Variants in KCNIP4 observed in about 807,000 individuals in gnomAD.
KCNIP4 encodes the protein Kv channel-interacting protein 4.
KCNIP4 carries 12 observed loss-of-function variants against 34.0 expected under a neutral mutation model. That is an observed-to-expected ratio of 0.35 (90% CI 0.23 to 0.57). The LOEUF (loss-of-function observed/expected upper bound fraction) is 0.57, where lower values mean the gene tolerates loss of function less well. Ranked by LOEUF, KCNIP4 falls within the 20% of genes least tolerant of loss-of-function variation. The pLI is 0.83. For synonymous variants in KCNIP4, 124 were observed against 102.2 expected, an observed-to-expected ratio of 1.21 and a Z score of -1.29; for missense variants, 238 against 311.7, an observed-to-expected ratio of 0.76 and a Z score of 1.78.
At chr4:21,432,270 G>A (rs900655459) in intron 1 of KCNIP4, among the ~76,000 whole-genome samples, 1 of 150,016 alleles carries the variant, frequency 6.7e-6, no homozygotes, top group Admixed American at 6.7e-5. Flanking sequence ...ATGTAGATTA[G>A]GTTCAAGTTG....
chr4:21,506,065 T>C (rs1733824402), intron 1 of KCNIP4, among the ~76,000 whole-genome samples: 1 of 152,220 alleles, frequency 6.6e-6, no homozygotes, highest in Non-Finnish European at 1.5e-5. Context: ...ATCGCACCAC[T>C]GCACTCCAGC....
intron 1 of KCNIP4, among the ~76,000 whole-genome samples, chr4:21,358,108 G>C (rs1718839502): frequency 6.6e-6 from 1 of 152,018 alleles, no homozygotes; most frequent in South Asian, 2.1e-4. Context: ...TCATAGGTGG[G>C]AATTAAACAA....
At chr4:21,113,455 T>TAAAAAAAAAAAAAAAAAAA (rs56676152) in intron 1 of KCNIP4, among the ~76,000 whole-genome samples, 1 of 62,396 alleles carries the variant, frequency 1.6e-5, no homozygotes. Context: ...TCTATAAGTT[T>TAAAAAAAAAAAAAAAAAAA]AAAAAAAAAA....
At chr4:20,730,255 T>G in intron 8 of KCNIP4, 126 bp from the exon 9 acceptor site, 1 of 1,207,204 alleles carries the variant, frequency 8.3e-7, no homozygotes, top group East Asian at 2.7e-5. Flanking sequence ...GCTCAAATAT[T>G]AAGTGTTTGC....
At chr4:21,659,865 A>G (rs1311232126) in intron 1 of KCNIP4, among the ~76,000 whole-genome samples, 1 of 152,220 alleles carries the variant, frequency 6.6e-6, no homozygotes, top group African/African-American at 2.4e-5. Context: ...ATTAATTAAT[A>G]AGAGGATGGA....
intron 5 of KCNIP4, among the ~76,000 whole-genome samples, chr4:20,744,267 C>T (rs956916089): frequency 2.0e-5 from 3 of 152,090 alleles, no homozygotes; most frequent in Admixed American, 6.5e-5. Flanking sequence ...GGGTATACAC[C>T]CAAAGGATTA....
chr4:21,548,349 T>C (rs1322009852), intron 1 of KCNIP4, among the ~76,000 whole-genome samples: 1 of 152,156 alleles, frequency 6.6e-6, no homozygotes, highest in Non-Finnish European at 1.5e-5. Context: ...AGGTCAGAAC[T>C]GTCTCTTTGC....
chr4:21,827,326 A>G (rs1460483019), intron 1 of KCNIP4, among the ~76,000 whole-genome samples: 1 of 152,070 alleles, frequency 6.6e-6, no homozygotes, highest in South Asian at 2.1e-4. Flanking sequence ...AAAATTCATA[A>G]AACTGCAACC....
At chr4:21,135,982 A>G (rs1751468064) in intron 1 of KCNIP4, among the ~76,000 whole-genome samples, 1 of 152,220 alleles carries the variant, frequency 6.6e-6, no homozygotes, top group Non-Finnish European at 1.5e-5. Flanking sequence ...TATTCATGTA[A>G]ACAGCTTAAG....
chr4:21,430,451 T>G (rs1577348274), intron 1 of KCNIP4, among the ~76,000 whole-genome samples: 1 of 151,892 alleles, frequency 6.6e-6, no homozygotes, highest in East Asian at 1.9e-4. Flanking sequence ...TTTGAGGAAG[T>G]AAGCCATATA....
chr4:21,166,507 A>G (rs1753635208), intron 1 of KCNIP4, among the ~76,000 whole-genome samples: 2 of 152,194 alleles, frequency 1.3e-5, no homozygotes, highest in African/African-American at 4.8e-5. Context: ...CACCTACAAT[A>G]TGACCCATTT....
intron 1 of KCNIP4, among the ~76,000 whole-genome samples, chr4:21,770,732 C>A (rs370748368): frequency 2.8e-4 from 42 of 152,126 alleles, no homozygotes; most frequent in African/African-American, 7.2e-4. Context: ...TTGTTGACCA[C>A]GTAAATGTCT....
intron 1 of KCNIP4, among the ~76,000 whole-genome samples, chr4:21,331,477 C>T (rs1204537370): frequency 6.6e-6 from 1 of 152,058 alleles, no homozygotes; most frequent in Non-Finnish European, 1.5e-5. Context: ...AACATGAAAT[C>T]TATGCACAAG....
intron 1 of KCNIP4, among the ~76,000 whole-genome samples, chr4:21,294,572 T>C (rs1165438809): frequency 6.6e-6 from 1 of 152,208 alleles, no homozygotes; most frequent in Non-Finnish European, 1.5e-5. Flanking sequence ...AGGTTGTTTT[T>C]ACAGGGATAT....
intron 1 of KCNIP4, among the ~76,000 whole-genome samples, chr4:21,473,420 C>T (rs1415001819): frequency 6.6e-6 from 1 of 152,132 alleles, no homozygotes; most frequent in Non-Finnish European, 1.5e-5. Flanking sequence ...CCTTGCTCCC[C>T]TTCCTGGAGA....
At chr4:21,185,817 T>G (rs573698792) in intron 1 of KCNIP4, among the ~76,000 whole-genome samples, 8 of 152,314 alleles carry the variant, frequency 5.3e-5, no homozygotes, top group Admixed American at 3.3e-4. Context: ...ACATGAGGCA[T>G]CTACTGTATC....
intron 3 of KCNIP4, among the ~76,000 whole-genome samples, chr4:20,779,207 G>A (rs984412113): frequency 1.9e-4 from 29 of 152,112 alleles, no homozygotes; most frequent in Non-Finnish European, 1.0e-4. Context: ...GAATAATACA[G>A]ATCAAATTCC....
intron 1 of KCNIP4, among the ~76,000 whole-genome samples, chr4:21,331,366 A>C (rs1715620638): frequency 6.6e-6 from 1 of 152,052 alleles, no homozygotes; most frequent in Admixed American, 6.6e-5. Context: ...CAATCCTTGC[A>C]AACACATAAA....
intron 1 of KCNIP4, among the ~76,000 whole-genome samples, chr4:21,142,902 C>T (rs6835991): frequency 0.092 from 14,051 of 152,174 alleles, 812 homozygotes; most frequent in East Asian, 0.19. Context: ...TTGGCATTTT[C>T]ATATTCTTAC....
Sources: allele counts gnomAD v4.1 joint callset (sites outside exome capture counted in the v4.1 genomes callset), GRCh38; gene constraint gnomAD v4.1.1; transcripts MANE v1.5; gene names NCBI Gene and HGNC (gene_info 2026-07-23, HGNC 2026-07-21).